SHISA9: variants seen among roughly 807,000 people sequenced by gnomAD.
SHISA9 encodes protein shisa-9.
In SHISA9, 13 loss-of-function variants were observed where a neutral mutation model predicts 38.0. That is an observed-to-expected ratio of 0.34 (90% confidence interval 0.22 to 0.54). The LOEUF is 0.54. Among genes scored for constraint, SHISA9 ranks in the 20% least tolerant of loss-of-function variants. SHISA9 has a pLI of 0.91. For missense variants in SHISA9, 538 were observed against 575.8 expected (o/e 0.93, Z 0.67); for synonymous variants, 275 against 242.0 (o/e 1.14, Z -1.27).
At chr16:13,373,763 A>G in the SHISA9 span, among the ~76,000 whole-genome samples, 2 of 63,176 alleles carry the variant, frequency 3.2e-5, no homozygotes, top group Non-Finnish European at 5.7e-5. Context: ...TCCGTCTCAA[A>G]AAAAAAAAAA....
the SHISA9 span, among the ~76,000 whole-genome samples, chr16:13,390,529 C>G: frequency 6.6e-6 from 1 of 152,210 alleles, no homozygotes; most frequent in African/African-American, 2.4e-5. Context: ...CTTTCTCACT[C>G]TGCTGCTGCC....
intron 1 of SHISA9, among the ~76,000 whole-genome samples, chr16:12,912,159 A>G (rs1017769532): frequency 1.3e-5 from 2 of 151,592 alleles, no homozygotes; most frequent in African/African-American, 4.9e-5. Flanking sequence ...CCTTCCCCAT[A>G]CCAAATCGGT....
intron 2 of SHISA9, among the ~76,000 whole-genome samples, chr16:13,061,912 G>A (rs932330554): frequency 6.6e-6 from 1 of 152,158 alleles, no homozygotes; most frequent in African/African-American, 2.4e-5. Context: ...TAAGCAGACG[G>A]AAGAGCCTGC....
intron 2 of SHISA9, among the ~76,000 whole-genome samples, chr16:13,004,024 A>C (rs2134038): frequency 9.2e-5 from 14 of 152,142 alleles, no homozygotes; most frequent in African/African-American, 3.1e-4. Flanking sequence ...TGGGTGAACC[A>C]ATGTGTTGGG....
chr16:13,400,502 G>T, the SHISA9 span, among the ~76,000 whole-genome samples: 1 of 151,802 alleles, frequency 6.6e-6, no homozygotes, highest in Middle Eastern at 3.2e-3. Context: ...ACTGTTTTTT[G>T]CAGAAGACCA....
chr16:13,351,386 C>A, the SHISA9 span, among the ~76,000 whole-genome samples: 1 of 152,232 alleles, frequency 6.6e-6, no homozygotes, highest in South Asian at 2.1e-4. Flanking sequence ...TGGTGGGTGG[C>A]AGGAAAGGCA....
At chr16:13,103,889 A>G (rs2073902080) in intron 2 of SHISA9, among the ~76,000 whole-genome samples, 1 of 152,298 alleles carries the variant, frequency 6.6e-6, no homozygotes, top group African/African-American at 2.4e-5. Context: ...AAAGATTTCC[A>G]GAGCATTGGA....
the SHISA9 span, among the ~76,000 whole-genome samples, chr16:13,349,714 A>G: frequency 7.0e-4 from 107 of 152,376 alleles, no homozygotes; most frequent in East Asian, 0.017. Flanking sequence ...GAAAGGTGCT[A>G]TTAAATCAGT....
chr16:13,091,363 G>A (rs780563122), intron 2 of SHISA9, among the ~76,000 whole-genome samples: 30 of 152,216 alleles, frequency 2.0e-4, no homozygotes, highest in Admixed American at 3.9e-4. Context: ...TAGGTTGGGG[G>A]AGTTCTCCTG....
intron 4 of SHISA9, among the ~76,000 whole-genome samples, chr16:13,233,415 A>C (rs2051351241): frequency 6.6e-6 from 1 of 152,216 alleles, no homozygotes; most frequent in Admixed American, 6.5e-5. Flanking sequence ...ATATGTATCA[A>C]GAGCCTTAAC....
chr16:13,173,343 A>G (rs1182465090), intron 2 of SHISA9, among the ~76,000 whole-genome samples: 2 of 150,642 alleles, frequency 1.3e-5, no homozygotes, highest in South Asian at 2.1e-4. Flanking sequence ...TATTTCAGAC[A>G]CTACAATGTG....
chr16:13,298,200 A>G, the SHISA9 span, among the ~76,000 whole-genome samples: 1 of 152,160 alleles, frequency 6.6e-6, no homozygotes, highest in South Asian at 2.1e-4. Context: ...AAACTCATCA[A>G]CCTTCCTGGT....
chr16:13,007,645 C>G (rs887696462), intron 2 of SHISA9, among the ~76,000 whole-genome samples: 1 of 152,308 alleles, frequency 6.6e-6, no homozygotes, highest in East Asian at 1.9e-4. Flanking sequence ...ATGAACCATC[C>G]CTCTCTAACT....
intron 2 of SHISA9, among the ~76,000 whole-genome samples, chr16:12,934,671 C>A (rs1223323256): frequency 2.6e-5 from 4 of 152,110 alleles, no homozygotes. Flanking sequence ...TGAGTTTGCC[C>A]TATGGACATT....
chr16:13,076,560 A>T (rs965948205), intron 2 of SHISA9, among the ~76,000 whole-genome samples: 1 of 151,974 alleles, frequency 6.6e-6, no homozygotes, highest in African/African-American at 2.4e-5. Context: ...AATTTGGTTG[A>T]CTTGTTGGAA....
the SHISA9 span, among the ~76,000 whole-genome samples, chr16:13,339,660 G>A: frequency 0.14 from 20,726 of 152,140 alleles, 1,589 homozygotes; most frequent in Non-Finnish European, 0.18. Context: ...GAAAAAAAAG[G>A]GAGAAAGAGA....
chr16:13,205,907 A>G (rs571313746), intron 3 of SHISA9, among the ~76,000 whole-genome samples: 9 of 149,568 alleles, frequency 6.0e-5, no homozygotes, highest in African/African-American at 2.2e-4. Flanking sequence ...GGTTACAGGC[A>G]TGCACCACTA....
chr16:12,970,395 A>G lies in SHISA9; in HGVS notation c.691+53580A>G, dbSNP rs1409930628. ...CATATATATATACATATATGTATAT[A>G]TATATATACATATATATATATACAC... On this transcript the variant is annotated intron_variant, in intron 2 of 4. Transcript: ENST00000558583. Among the ~76,000 whole-genome samples, 14 of 4,776 alleles carry G rather than the reference A, an allele frequency of 2.9e-3. 2 individuals are homozygous for G. Among genetic ancestry groups the G allele is most frequent in the Non-Finnish European group, 6.0e-3 (13 of 2,172 alleles). 3.1% of individuals were successfully genotyped at this position (4,776 alleles called of 152,430 possible). A position where few individuals can be genotyped will look rare whatever the true frequency, so the allele number is the denominator to read the frequency against.
chr16:13,114,614 A>G (rs1278204066), intron 2 of SHISA9, among the ~76,000 whole-genome samples: 1 of 152,120 alleles, frequency 6.6e-6, no homozygotes, highest in Non-Finnish European at 1.5e-5. Context: ...ATAAGAATGA[A>G]TACATTACAG....
Sources: gnomAD v4.1 joint callset for allele counts (sites outside exome capture counted in the v4.1 genomes callset) on GRCh38, gnomAD v4.1.1 for gene constraint, MANE v1.5 for transcripts, NCBI Gene and HGNC (gene_info 2026-07-23, HGNC 2026-07-21) for gene names.